ADGRF5: variants seen among roughly 807,000 people sequenced by gnomAD.
ADGRF5 encodes the protein G-protein coupled receptor 116.
A neutral mutation model predicts 132.3 loss-of-function variants in ADGRF5; 75 were observed. The observed-to-expected ratio is 0.57, with a 90% CI of 0.47 to 0.69. The LOEUF (loss-of-function observed/expected upper bound fraction) is 0.69, where lower values mean the gene tolerates loss of function less well. Ranked by LOEUF, ADGRF5 falls within the 30% of genes least tolerant of loss-of-function variation. The probability of loss-of-function intolerance (pLI) is 0.00; values close to 1 mark genes in which losing one functional copy is unlikely to be tolerated. For synonymous variants in ADGRF5, 629 were observed against 597.6 expected, an observed-to-expected ratio of 1.05 and a Z score of -0.77; for missense variants, 1,516 against 1,630.6, an observed-to-expected ratio of 0.93 and a Z score of 1.21.
At chr6:46,883,497 C>G in intron 6 of ADGRF5, 62 bp downstream of exon 6, 1 of 789,032 alleles carries the variant, frequency 1.3e-6, no homozygotes, top group Non-Finnish European at 2.2e-6. Flanking sequence ...ATTGTGAATG[C>G]AATAGACTCA....
chr6:46,947,673 C>T (rs1392874161), intron 1 of ADGRF5, among the ~76,000 whole-genome samples: 1 of 152,178 alleles, frequency 6.6e-6, no homozygotes, highest in Non-Finnish European at 1.5e-5. Context: ...TTCCCAGGCC[C>T]CACTTCGGAC....
rs144628829 is a variant in ADGRF5 at position 46,884,156 on chromosome 6, C to G, written c.444G>C (p.Gly148=). The change falls in exon 5 of 21, where the codon GGG becomes GGC. Residue 148 remains glycine (G), a synonymous_variant. Coordinates refer to ENST00000283296, the MANE Select transcript of ADGRF5 (RefSeq NM_001098518.2). ...GTTCTTTAAGGCAACTGCAATGGTG[C>G]CCTGGGAGGAAGACGTCACGCTCTT... ...ICQERDVFLP[G]HHCSCLKELP... 17 of 1,614,068 alleles carry G rather than the reference C, an allele frequency of 1.1e-5. No individual in the cohort carries two copies. The highest frequency in any genetic ancestry group is 1.3e-5 in the Non-Finnish European group (15 of 1,179,956).
intron 10 of ADGRF5, among the ~76,000 whole-genome samples, chr6:46,877,263 CT>C (rs1562174161): frequency 2.6e-5 from 1 of 38,220 alleles, no homozygotes; most frequent in Non-Finnish European, 4.9e-5. Context: ...TTCTTTCTTT[CT>C]TTCTTTCTTT....
Position 46,854,822 on chromosome 6 carries a change from C to A in ADGRF5, c.3962-751G>T, listed in dbSNP as rs372471664. 1.2e-3 allele frequency: 1,167 copies of A among 970,974 alleles called. 18 individuals carry two copies. The South Asian group carries it at 0.014, about 12-fold the overall frequency. 60.1% of individuals were successfully genotyped at this position (970,974 alleles called of 1,614,324 possible). A position where few individuals can be genotyped will look rare whatever the true frequency, so the allele number is the denominator to read the frequency against. ...AAAGTTACGGTGCTTATGGGGCCCC[C>A]AAACATGCCCAATTGGGACTTTCAT... is the stretch of plus-strand genomic sequence containing the variant. On this transcript the variant is annotated intron_variant, in intron 20 of 20. Transcript: ENST00000283296.
At chr6:46,889,454 C>G (rs1424054504) in intron 3 of ADGRF5, among the ~76,000 whole-genome samples, 1 of 144,214 alleles carries the variant, frequency 6.9e-6, no homozygotes, top group Non-Finnish European at 1.5e-5. Flanking sequence ...AGTATATATA[C>G]TAAAGTCTAT....
At chr6:46,896,020 T>G (rs1422682884) in intron 3 of ADGRF5, among the ~76,000 whole-genome samples, 2 of 152,158 alleles carry the variant, frequency 1.3e-5, no homozygotes, top group African/African-American at 4.8e-5. Flanking sequence ...TTGCTGTGTT[T>G]TTCAAAATGT....
chr6:46,942,070 C>G (rs1045045814), intron 1 of ADGRF5, among the ~76,000 whole-genome samples: 2 of 152,154 alleles, frequency 1.3e-5, no homozygotes, highest in African/African-American at 4.8e-5. Flanking sequence ...GCACTGTGTT[C>G]TCCAGTCTGC....
chr6:46,872,871 C>T (rs192653004), intron 10 of ADGRF5, among the ~76,000 whole-genome samples: 45 of 152,290 alleles, frequency 3.0e-4, no homozygotes, highest in Non-Finnish European at 5.3e-4. Context: ...TTGATTAGTT[C>T]CAACGTAAAT....
At chr6:46,912,793 C>T (rs2150909945) in intron 1 of ADGRF5, among the ~76,000 whole-genome samples, 1 of 152,206 alleles carries the variant, frequency 6.6e-6, no homozygotes, top group East Asian at 1.9e-4. Context: ...ACATAGCCCT[C>T]CTGTGCAAAT....
chr6:46,937,332 A>G (rs1373197029), intron 1 of ADGRF5, among the ~76,000 whole-genome samples: 5 of 151,610 alleles, frequency 3.3e-5, no homozygotes, highest in Non-Finnish European at 7.4e-5. Flanking sequence ...CACTTACCTC[A>G]TGTTTTCCCA....
chr6:46,895,672 T>TAA (rs954242058), intron 3 of ADGRF5, among the ~76,000 whole-genome samples: 4 of 150,772 alleles, frequency 2.7e-5, no homozygotes, highest in African/African-American at 9.7e-5. Context: ...CTCTCCTCAG[T>TAA]TATTCCTTTA....
rs1405968271 is a variant in ADGRF5 at position 46,867,103 on chromosome 6, T to G, written c.1656A>C (p.Ser552=). 6.2e-7 allele frequency: 1 copy of G among 1,611,912 alleles called. No individual in the cohort carries two copies. Among genetic ancestry groups the G allele is most frequent in the Admixed American group, 1.7e-5 (1 of 60,010 alleles). Residue 552 remains serine, a synonymous_variant, in exon 13 of 21, where the codon TCA becomes TCC. Coordinates refer to ENST00000283296, the MANE Select transcript of ADGRF5 (RefSeq NM_001098518.2). ...TYHCIFRYKN[S]YSIATKDVIV... The stretch of plus-strand genomic sequence containing the variant: ...TGACGTCTTTGGTTGCAATACTGTA[T>G]GAATTCTTATATCTAAATATGCAGT...
chr6:46,900,309 G>A (rs220701), intron 2 of ADGRF5, among the ~76,000 whole-genome samples: 55,580 of 151,890 alleles, frequency 0.37, 12,374 homozygotes, highest in Non-Finnish European at 0.49. Flanking sequence ...TTTTAGACCA[G>A]CCTCTAGACC....
intron 1 of ADGRF5, among the ~76,000 whole-genome samples, chr6:46,953,678 T>C (rs747960315): frequency 7.2e-6 from 1 of 138,566 alleles, no homozygotes; most frequent in Non-Finnish European, 1.6e-5. Flanking sequence ...TATATATATA[T>C]ATATATATAT....
chr6:46,952,651 T>A (rs902380031), intron 1 of ADGRF5, among the ~76,000 whole-genome samples: 1 of 152,210 alleles, frequency 6.6e-6, no homozygotes, highest in Non-Finnish European at 1.5e-5. Context: ...AAACTATAGA[T>A]CTCGATCTGA....
In ADGRF5 at chr6:46,941,580, A is replaced by C. The variant is rs1448810128; in HGVS notation, c.-25+13154T>G. Among the ~76,000 whole-genome samples, 7 of 152,128 alleles carry C rather than the reference A, an allele frequency of 4.6e-5. 1 individual carries two copies. Reference sequence around the variant, plus strand: ...GTGAGGCCCAGTAACCAGTGTTTTAACAAGCTGTCAAGCTGTCCAGGTGAT... The same window carrying C: ...GTGAGGCCCAGTAACCAGTGTTTTACCAAGCTGTCAAGCTGTCCAGGTGAT... On this transcript the variant is annotated intron_variant, in intron 1 of 20. Transcript: ENST00000265417.
chr6:46,884,122 T>C lies in ADGRF5; in HGVS notation c.478A>G (p.Asn160Asp), dbSNP rs770206424. The change falls in exon 5 of 21, where the codon AAT (asparagine) becomes GAT (aspartate). Residue 160 changes from asparagine (N) to aspartate (D), a missense_variant. Coordinates refer to ENST00000283296, the MANE Select transcript of ADGRF5 (RefSeq NM_001098518.2). ...TCCTGAAGCAGGCAAAAAGGTCCAT[T>C]GGGAGGCAGTTCTTTAAGGCAACTG... is the stretch of plus-strand genomic sequence containing the variant. ...HCSCLKELPP[N>D]GPFCLLQEDV... 1 of 1,614,038 alleles carries C rather than the reference T, an allele frequency of 6.2e-7. No individual in the cohort carries two copies. Among genetic ancestry groups the C allele is most frequent in the South Asian group, 1.1e-5 (1 of 91,072 alleles).
chr6:46,919,882 C>A (rs1776765658), intron 1 of ADGRF5, among the ~76,000 whole-genome samples: 1 of 152,124 alleles, frequency 6.6e-6, no homozygotes, highest in South Asian at 2.1e-4. Context: ...ACCTTTTTCC[C>A]AAAGGCTCTC....
chr6:46,886,139 C>T (rs1773046305), intron 4 of ADGRF5, among the ~76,000 whole-genome samples: 1 of 152,152 alleles, frequency 6.6e-6, no homozygotes, highest in South Asian at 2.1e-4. Flanking sequence ...TCTTTGGGAG[C>T]TGTTTGTTCT....
Sources: allele counts gnomAD v4.1 joint callset (sites outside exome capture counted in the v4.1 genomes callset), GRCh38; gene constraint gnomAD v4.1.1; transcripts MANE v1.5; gene names NCBI Gene and HGNC (gene_info 2026-07-23, HGNC 2026-07-21).